Variants in CRISP2 observed in about 807,000 individuals in gnomAD.
CRISP2 encodes the protein cysteine-rich secretory protein 2.
A neutral mutation model predicts 31.7 loss-of-function variants in CRISP2; 29 were observed. That is an observed-to-expected ratio of 0.92 (90% confidence interval 0.68 to 1.25). CRISP2 has a LOEUF of 1.25. Among genes scored for constraint, CRISP2 ranks in the 50% most tolerant of loss-of-function variants. The pLI, the probability that CRISP2 is intolerant of heterozygous loss-of-function variation, is 0.00. For missense variants in CRISP2, 318 were observed against 286.5 expected (o/e 1.11, Z -0.79); for synonymous variants, 111 against 101.4 (o/e 1.09, Z -0.57).
chr6:49,701,727 A>T (rs546356862), intron 4 of CRISP2, among the ~76,000 whole-genome samples: 44 of 109,390 alleles, frequency 4.0e-4, no homozygotes, highest in Admixed American at 8.6e-4. Context: ...ATGTATATAT[A>T]ATGTATATAT....
the CRISP2 span, among the ~76,000 whole-genome samples, chr6:49,682,573 TTTTCTTTC>T: frequency 3.8e-5 from 4 of 105,900 alleles, no homozygotes; most frequent in Non-Finnish European, 3.7e-5. Flanking sequence ...CTTTCTTTCT[TTTTCTTTC>T]TTTCTTTTTC....
intron 4 of CRISP2, among the ~76,000 whole-genome samples, chr6:49,701,709 CATAT>C (rs1228480488): frequency 2.2e-5 from 1 of 46,312 alleles, no homozygotes; most frequent in Non-Finnish European, 4.1e-5. Context: ...ATTATGTATA[CATAT>C]ATAATGTATA....
At chr6:49,714,217 T>C (rs576494509), upstream of CRISP2, among the ~76,000 whole-genome samples, 3 of 152,324 alleles carry the variant, frequency 2.0e-5, no homozygotes, top group East Asian at 5.8e-4. Flanking sequence ...CTATTCACAG[T>C]TGTTTTCAAA....
chr6:49,685,612 T>C, the CRISP2 span, among the ~76,000 whole-genome samples: 1 of 152,226 alleles, frequency 6.6e-6, no homozygotes, highest in South Asian at 2.1e-4. Flanking sequence ...GTAACATATA[T>C]AGTCAGTTTC....
intron 9 of CRISP2, among the ~76,000 whole-genome samples, 183 bp from the exon 10 acceptor site, chr6:49,693,083 C>A (rs1417436907): frequency 6.6e-6 from 1 of 152,076 alleles, no homozygotes; most frequent in East Asian, 1.9e-4. Flanking sequence ...GCCACATTTT[C>A]TTAATCCAGT....
chr6:49,681,557 C>G, the CRISP2 span, among the ~76,000 whole-genome samples: 1 of 152,164 alleles, frequency 6.6e-6, no homozygotes, highest in East Asian at 1.9e-4. Flanking sequence ...ATTTATAAAA[C>G]AGAATCAATT....
intron 5 of CRISP2, 113 bp from the exon 6 acceptor site, chr6:49,700,004 C>A: frequency 2.3e-6 from 2 of 873,678 alleles, no homozygotes; most frequent in East Asian, 2.7e-5. Flanking sequence ...TTCTCTAATA[C>A]TACTGTTATT....
At chr6:49,684,371 A>G in the CRISP2 span, among the ~76,000 whole-genome samples, 1 of 152,176 alleles carries the variant, frequency 6.6e-6, no homozygotes, top group African/African-American at 2.4e-5. Context: ...ATGACAAGAA[A>G]AAGTCTGTGC....
chr6:49,699,603 A>G (rs1246461419), intron 6 of CRISP2, among the ~76,000 whole-genome samples: 3 of 152,124 alleles, frequency 2.0e-5, no homozygotes, highest in Admixed American at 1.3e-4. Context: ...AAGCAAAATT[A>G]TTTGCATAAT....
chr6:49,694,207 C>T lies in CRISP2; in HGVS notation c.605-1307G>A, dbSNP rs144790318. Among the ~76,000 whole-genome samples, 602 of 152,248 alleles carry T rather than the reference C, an allele frequency of 4.0e-3. 5 individuals are homozygous for T. The highest frequency in any genetic ancestry group is 0.014 in the African/African-American group (566 of 41,530). On this transcript the variant is annotated intron_variant, in intron 9 of 9. Coordinates refer to ENST00000339139, the MANE Select transcript of CRISP2 (RefSeq NM_003296.4). ...TACGAGAAGGGTGACATGGACAATT[C>T]CCTGGATGCCACAGCTGGCACTGTG...
chr6:49,682,690 CTCTT>C, the CRISP2 span, among the ~76,000 whole-genome samples: 4 of 143,080 alleles, frequency 2.8e-5, no homozygotes, highest in African/African-American at 2.6e-5. Context: ...CTGTCTCTTT[CTCTT>C]TCTTTTTCTT....
intron 4 of CRISP2, among the ~76,000 whole-genome samples, chr6:49,705,256 C>T (rs1045153344): frequency 2.0e-5 from 3 of 152,002 alleles, no homozygotes; most frequent in South Asian, 2.1e-4. Context: ...ATGGCTGCCT[C>T]GGCTGCTTCA....
chr6:49,689,261 A>G (rs184996796), downstream of CRISP2, among the ~76,000 whole-genome samples: 424 of 152,308 alleles, frequency 2.8e-3, 1 homozygote, highest in Admixed American at 5.9e-3. Context: ...TTATACTAGC[A>G]TATTTAAAAT....
At chr6:49,682,559 TTC>T in the CRISP2 span, among the ~76,000 whole-genome samples, 268 of 55,688 alleles carry the variant, frequency 4.8e-3, 1 homozygote, top group African/African-American at 0.026. Flanking sequence ...CCCTCCATCT[TTC>T]TCTTTCTTTC....
chr6:49,678,728 A>G, the CRISP2 span, among the ~76,000 whole-genome samples: 1 of 152,154 alleles, frequency 6.6e-6, no homozygotes, highest in Non-Finnish European at 1.5e-5. Context: ...ATCACTGTAC[A>G]CTAAGCAGGA....
intron 6 of CRISP2, 79 bp from the exon 7 acceptor site, chr6:49,698,586 T>G: frequency 6.8e-7 from 1 of 1,471,230 alleles, no homozygotes; most frequent in Non-Finnish European, 9.2e-7. Context: ...ACAAAGATGT[T>G]GCCTTTCAAA....
At chr6:49,682,583 TTCTTTTTCTTTCTTTC>T in the CRISP2 span, among the ~76,000 whole-genome samples, 1 of 83,642 alleles carries the variant, frequency 1.2e-5, no homozygotes, top group African/African-American at 5.0e-5. Context: ...TTTTCTTTCT[TTCTTTTTCTTTCTTTC>T]TTTCTTTCTT....
chr6:49,692,780 A>C lies in CRISP2; in HGVS notation c.725T>G (p.Ile242Ser). 6.2e-7 allele frequency: 1 copy of C among 1,612,990 alleles called. No homozygotes were observed. Among genetic ancestry groups the C allele is most frequent in the African/African-American group, 1.3e-5 (1 of 75,018 alleles). The change falls in exon 10 of 10, where the codon ATT becomes AGT. Residue 242 changes from isoleucine (I) to serine (S), a missense_variant. Physicochemically the swap from Ile to Ser is moderately radical, Grantham distance 142. Coordinates refer to ENST00000339139, the MANE Select transcript of CRISP2 (RefSeq NM_003296.4). ...CKATCLCENK[I>S]Y ...CAATGCTCACTAGGTAAATCAGTAA[A>C]TTTTGTTCTCACATAGGCAAGTAGC...
intron 4 of CRISP2, among the ~76,000 whole-genome samples, chr6:49,708,908 T>A (rs1484947886): frequency 6.6e-6 from 1 of 152,226 alleles, no homozygotes; most frequent in African/African-American, 2.4e-5. Context: ...TCATTTCAAG[T>A]GTTCAGTAGT....
Sources: gnomAD v4.1 joint callset for allele counts (sites outside exome capture counted in the v4.1 genomes callset) on GRCh38, gnomAD v4.1.1 for gene constraint, MANE v1.5 for transcripts, NCBI Gene and HGNC (gene_info 2026-07-23, HGNC 2026-07-21) for gene names.